The following CDK14 variants were observed in gnomAD, a reference collection of about 807,000 sequenced individuals.
CDK14 encodes the protein cyclin-dependent kinase 14.
CDK14 carries 34 observed loss-of-function variants against 60.7 expected under a neutral mutation model. The ratio of observed to expected loss-of-function variants is 0.56; its 90% CI spans 0.43 to 0.75. CDK14 has a LOEUF of 0.75. Among genes scored for constraint, CDK14 ranks in the 30% least tolerant of loss-of-function variants. The pLI, the probability that CDK14 is intolerant of heterozygous loss-of-function variation, is 0.00. For synonymous variants in CDK14, 197 were observed against 203.7 expected, an observed-to-expected ratio of 0.97 and a Z score of 0.28; for missense variants, 482 against 564.1, an observed-to-expected ratio of 0.85 and a Z score of 1.47.
intron 9 of CDK14, among the ~76,000 whole-genome samples, chr7:90,962,945 C>T (rs1240014948): frequency 2.0e-5 from 3 of 152,140 alleles, no homozygotes; most frequent in Non-Finnish European, 4.4e-5. Context: ...GCTAAATATA[C>T]TGCATTTCTA....
chr7:90,932,995 A>G (rs992332536), intron 8 of CDK14, among the ~76,000 whole-genome samples: 3 of 152,204 alleles, frequency 2.0e-5, no homozygotes, highest in Non-Finnish European at 4.4e-5. Context: ...TATCAAAAGT[A>G]CTGTCCAATT....
In CDK14 at chr7:90,696,338, T is replaced by TCTTCTTC. The variant is rs61542847; in HGVS notation, c.124-30229_124-30228insCTTCTTC. Among the ~76,000 whole-genome samples the TCTTCTTC allele has an allele frequency of 4.2e-3, 415 of 99,532 alleles. 8 individuals are homozygous for TCTTCTTC. The highest frequency in any genetic ancestry group is 0.014 in the African/African-American group (378 of 26,134). The allele number at this position is 99,532 out of a possible 152,430, so 65.3% of individuals were successfully genotyped here. On this transcript the variant is annotated intron_variant, in intron 2 of 14. Transcript: ENST00000380050. The stretch of plus-strand genomic sequence containing the variant: ...GATTTGGTTTTGTACTTCTTCTTCT[T>TCTTCTTC]TTTTTTTTTTTTTTTTTTTTGAGAC...
intron 12 of CDK14, among the ~76,000 whole-genome samples, chr7:91,109,426 G>A (rs903889140): frequency 7.2e-5 from 11 of 152,006 alleles, no homozygotes; most frequent in South Asian, 2.1e-4. Context: ...AAAAGAAGAC[G>A]AAAAATTAAG....
chr7:91,017,161 T>C (rs1467121906), intron 10 of CDK14, among the ~76,000 whole-genome samples: 1 of 152,234 alleles, frequency 6.6e-6, no homozygotes, highest in Non-Finnish European at 1.5e-5. Context: ...TATTTCACTT[T>C]TTAAGAGTGA....
chr7:91,141,117 CA>C (rs1800444109), intron 14 of CDK14, among the ~76,000 whole-genome samples: 1 of 152,122 alleles, frequency 6.6e-6, no homozygotes, highest in African/African-American at 2.4e-5. Context: ...CTGAGTGTGT[CA>C]CGTGCAGGGG....
At chr7:91,043,934 G>A (rs896534443) in intron 10 of CDK14, among the ~76,000 whole-genome samples, 2 of 152,126 alleles carry the variant, frequency 1.3e-5, no homozygotes, top group African/African-American at 4.8e-5. Context: ...GTAAATAAAT[G>A]CATGAACAAT....
At chr7:91,032,127 G>T (rs1584249539) in intron 10 of CDK14, among the ~76,000 whole-genome samples, 1 of 152,220 alleles carries the variant, frequency 6.6e-6, no homozygotes, top group East Asian at 1.9e-4. Context: ...ACCTAGGCAG[G>T]GTCCCCTCTT....
At chr7:91,118,035 A>G (rs1799659694) in intron 13 of CDK14, 30 bp from the exon 14 acceptor site, 2 of 1,277,066 alleles carry the variant, frequency 1.6e-6, no homozygotes, top group African/African-American at 1.5e-5. Flanking sequence ...CTATAACTAT[A>G]TAAATGAAAA....
intron 4 of CDK14, among the ~76,000 whole-genome samples, chr7:90,788,725 A>G (rs1422998979): frequency 1.3e-5 from 2 of 152,242 alleles, no homozygotes; most frequent in African/African-American, 2.4e-5. Flanking sequence ...GAGCGAAAGC[A>G]GACCAAATAG....
intron 14 of CDK14, among the ~76,000 whole-genome samples, chr7:91,180,388 G>C (rs1801961914): frequency 6.6e-6 from 1 of 152,094 alleles, no homozygotes; most frequent in Admixed American, 6.5e-5. Context: ...GCTTAAATAT[G>C]CTCTATGCCT....
At chr7:90,776,709 C>CTTTGGTTCTCTTTGGAGTTCTGATT (rs1472390995) in intron 4 of CDK14, among the ~76,000 whole-genome samples, 1 of 152,138 alleles carries the variant, frequency 6.6e-6, no homozygotes, top group Non-Finnish European at 1.5e-5. Context: ...TTTGATAGTA[C>CTTTGGTTCTCTTTGGAGTTCTGATT]TTTGGTTCTC....
At chr7:90,632,901 C>A (rs1029204476) in intron 2 of CDK14, among the ~76,000 whole-genome samples, 1 of 151,996 alleles carries the variant, frequency 6.6e-6, no homozygotes, top group African/African-American at 2.4e-5. Context: ...CCAGCCTGGC[C>A]AACATGACGA....
In CDK14 at chr7:90,936,018, G is replaced by A. The variant is rs115631143; in HGVS notation, c.826+18294G>A. On this transcript the variant is annotated intron_variant, in intron 8 of 14. Coordinates refer to ENST00000380050, the MANE Select transcript of CDK14 (RefSeq NM_001287135.2). ...GATTTTGCCACTGCACTCTAGCATG[G>A]GCAACAGAGCGAGACCCTGTCTTAA... Among the ~76,000 whole-genome samples the A allele has an allele frequency of 5.9e-3, 899 of 151,516 alleles. 15 individuals are homozygous for A. Among genetic ancestry groups the A allele is most frequent in the African/African-American group, 0.021 (850 of 41,274 alleles).
intron 12 of CDK14, 69 bp downstream of exon 12, chr7:91,079,549 G>A (rs544929388): frequency 1.7e-5 from 19 of 1,087,216 alleles, no homozygotes; most frequent in Admixed American, 1.3e-4. Context: ...CTTCTCATAC[G>A]TTTTTCATGG....
intron 10 of CDK14, among the ~76,000 whole-genome samples, chr7:91,025,265 T>C (rs546939386): frequency 6.6e-6 from 1 of 152,270 alleles, no homozygotes; most frequent in Admixed American, 6.5e-5. Flanking sequence ...ACTTTGTTCT[T>C]CTGACCTCCT....
At chr7:90,678,900 A>C (rs905334660) in intron 2 of CDK14, among the ~76,000 whole-genome samples, 6 of 152,220 alleles carry the variant, frequency 3.9e-5, no homozygotes, top group African/African-American at 1.4e-4. Flanking sequence ...GTAGCCTACA[A>C]AGGAATCGTA....
In CDK14 at chr7:90,890,042, C is replaced by T. The variant is rs145482668; in HGVS notation, c.640-9249C>T. 4.1e-3 allele frequency among the ~76,000 whole-genome samples: 617 copies of T among 152,202 alleles called. 4 individuals carry two copies. Among genetic ancestry groups the T allele is most frequent in the Non-Finnish European group, 6.3e-3 (429 of 67,996 alleles). On this transcript the variant is annotated intron_variant, in intron 6 of 14. Transcript: ENST00000380050. Reference sequence around the variant, plus strand: ...AACCTGAATAACATTTGATAAAATGCTTGCAATGTTTTGTTTGTTATTCAC... The same window carrying T: ...AACCTGAATAACATTTGATAAAATGTTTGCAATGTTTTGTTTGTTATTCAC...
intron 2 of CDK14, among the ~76,000 whole-genome samples, chr7:90,618,774 T>A (rs1350797433): frequency 6.6e-6 from 1 of 152,232 alleles, no homozygotes; most frequent in Non-Finnish European, 1.5e-5. Context: ...TTGTTTGATG[T>A]ACTTTATCTT....
At chr7:91,107,492 G>A (rs1478609587) in intron 12 of CDK14, 1 of 152,174 alleles carries the variant, frequency 6.6e-6, no homozygotes, top group Non-Finnish European at 1.5e-5. Flanking sequence ...CTGAATAATG[G>A]TACACTGCCA....
Sources: gnomAD v4.1 joint callset for allele counts (sites outside exome capture counted in the v4.1 genomes callset) on GRCh38, gnomAD v4.1.1 for gene constraint, MANE v1.5 for transcripts, NCBI Gene and HGNC (gene_info 2026-07-23, HGNC 2026-07-21) for gene names.